Variants in PLA2G4C observed in about 807,000 individuals in gnomAD.
PLA2G4C encodes cytosolic phospholipase A2 gamma.
Under a neutral mutation model 73.8 loss-of-function variants are expected in PLA2G4C, and 64 were observed. The ratio of observed to expected loss-of-function variants is 0.87; its 90% CI spans 0.71 to 1.07. The LOEUF is 1.07. Among genes scored for constraint, PLA2G4C ranks in the 50% least tolerant of loss-of-function variants. The probability of loss-of-function intolerance (pLI) is 0.00; values close to 1 mark genes in which losing one functional copy is unlikely to be tolerated. For missense variants in PLA2G4C, 622 were observed against 665.4 expected (o/e 0.93, Z 0.72); for synonymous variants, 254 against 252.1 (o/e 1.01, Z -0.07).
intron 15 of PLA2G4C, among the ~76,000 whole-genome samples, chr19:48,054,328 G>A (rs1200005613): frequency 2.0e-5 from 3 of 152,022 alleles, no homozygotes; most frequent in Non-Finnish European, 4.4e-5. Flanking sequence ...TATTTGAGAA[G>A]GAGTCTTGCT....
chr19:48,103,903 GAAA>G (rs796900688), intron 4 of PLA2G4C: 2 of 151,166 alleles, frequency 1.3e-5, no homozygotes, highest in Admixed American at 1.3e-4. Flanking sequence ...TTCTTTTTTA[GAAA>G]AAAAAAATTT....
At chr19:48,061,711 T>G in intron 14 of PLA2G4C, 1 of 393,962 alleles carries the variant, frequency 2.5e-6, no homozygotes. Flanking sequence ...GCTGTTGCAG[T>G]TCAAACTGGT....
intron 5 of PLA2G4C, among the ~76,000 whole-genome samples, chr19:48,098,819 T>C (rs2122672217): frequency 6.7e-6 from 1 of 148,226 alleles, no homozygotes; most frequent in South Asian, 2.1e-4. Flanking sequence ...AGAGGATTGC[T>C]TGAGCCCAGG....
At chr19:48,071,400 C>G (rs1483659272) in intron 12 of PLA2G4C, among the ~76,000 whole-genome samples, 1 of 152,146 alleles carries the variant, frequency 6.6e-6, no homozygotes, top group Admixed American at 6.6e-5. Flanking sequence ...AAGCGATTCT[C>G]CTGCCTCAGC....
At chr19:48,050,326 T>TG (rs1348933070) in intron 16 of PLA2G4C, among the ~76,000 whole-genome samples, 1 of 152,160 alleles carries the variant, frequency 6.6e-6, no homozygotes, top group African/African-American at 2.4e-5. Flanking sequence ...GCAGGGCTTT[T>TG]GGGGAAACTC....
At chr19:48,104,770 T>A in intron 3 of PLA2G4C, 46 bp from the exon 4 acceptor site, 1 of 1,600,396 alleles carries the variant, frequency 6.2e-7, no homozygotes, top group Non-Finnish European at 8.5e-7. Context: ...AGCCTGAGGA[T>A]GGAGGTGGGA....
chr19:48,054,231 T>C (rs1336560162), intron 15 of PLA2G4C, among the ~76,000 whole-genome samples: 1 of 152,132 alleles, frequency 6.6e-6, no homozygotes, highest in East Asian at 1.9e-4. Context: ...TGGGAGGTAA[T>C]TGAAGCATGG....
chr19:48,105,230 A>G, intron 3 of PLA2G4C, 103 bp downstream of exon 3: 1 of 730,356 alleles, frequency 1.4e-6, no homozygotes, highest in Non-Finnish European at 2.4e-6. Context: ...ATAGAAGTTC[A>G]TATCCTTCGG....
At position 48,055,101 on chromosome 19, in the gene PLA2G4C, CCAGAAGACCCCT is replaced by C; in HGVS notation, c.1258-64_1258-53del. On this transcript the variant is annotated intron_variant, in intron 14 of 16. Coordinates refer to ENST00000599921, the MANE Select transcript of PLA2G4C (RefSeq NM_003706.3). ...TGCAAGACCTCTCCAGAAGACCCCT[CCAGAAGACCCCT>C]GGGGCCTGGAGACCCAATGGGACCT... The C allele has an allele frequency of 2.1e-6, 3 of 1,437,510 alleles. No homozygotes were observed. The Admixed American group carries it at 7.2e-5, about 34-fold the overall frequency. 89.0% of individuals were successfully genotyped at this position (1,437,510 alleles called of 1,614,324 possible).
intron 5 of PLA2G4C, among the ~76,000 whole-genome samples, chr19:48,098,762 C>T (rs2031745981): frequency 8.6e-6 from 1 of 115,880 alleles, no homozygotes; most frequent in Admixed American, 9.0e-5. Flanking sequence ...ATTTGTCAGG[C>T]CCAGTGGTGC....
chr19:48,100,566 C>T (rs1052191556), intron 4 of PLA2G4C, among the ~76,000 whole-genome samples: 1 of 138,060 alleles, frequency 7.2e-6, no homozygotes, highest in Non-Finnish European at 1.5e-5. Flanking sequence ...GATTGTGCCA[C>T]TGCACTCCAG....
At chr19:48,061,797 C>T (rs1968184921) in intron 14 of PLA2G4C, 1 of 593,912 alleles carries the variant, frequency 1.7e-6, no homozygotes, top group Non-Finnish European at 3.0e-6. Context: ...TCTGGGATGG[C>T]TTTGGATCAG....
At position 48,110,547 on chromosome 19, in the gene PLA2G4C, G is replaced by GCGGAGGCTTGGGCTCCGGAATCCGGTA; in HGVS notation, c.-94_-93insTACCGGATTCCGGAGCCCAAGCCTCCG. 1 of 1,525,924 alleles carries GCGGAGGCTTGGGCTCCGGAATCCGGTA rather than the reference G, an allele frequency of 6.6e-7. No individual in the cohort carries two copies. The highest frequency in any genetic ancestry group is 8.8e-7 in the Non-Finnish European group (1 of 1,140,302). The allele number at this position is 1,525,924 out of a possible 1,614,324, so 94.5% of individuals were successfully genotyped here. On this transcript the variant is annotated 5_prime_UTR_variant, in exon 1 of 17. Transcript: ENST00000599921. ...TGGAGCTTGTGCTCCGGAATCCGGT[G>GCGGAGGCTTGGGCTCCGGAATCCGGTA]CGGAGGCTTGGGCTCCCTGCGCTTA... is the stretch of plus-strand genomic sequence containing the variant.
At chr19:48,085,161 GTCA>G in intron 9 of PLA2G4C, 49 bp from the exon 10 acceptor site, 1 of 1,347,950 alleles carries the variant, frequency 7.4e-7, no homozygotes, top group Non-Finnish European at 1.1e-6. Context: ...TCACATGACT[GTCA>G]TGTTTGATAT....
chr19:48,088,742 T>C, intron 8 of PLA2G4C, 30 bp from the exon 9 acceptor site: 1 of 1,550,464 alleles, frequency 6.4e-7, no homozygotes, highest in Non-Finnish European at 8.9e-7. Flanking sequence ...GGAGGAATGT[T>C]TATCTGTACA....
intron 13 of PLA2G4C, 162 bp from the exon 14 acceptor site, chr19:48,062,314 A>G (rs1968217248): frequency 1.7e-6 from 1 of 585,766 alleles, no homozygotes; most frequent in South Asian, 2.3e-5. Flanking sequence ...TCCCAGATTC[A>G]TATGTTGAAG....
At chr19:48,078,473 G>C (rs2030316438) in intron 10 of PLA2G4C, among the ~76,000 whole-genome samples, 1 of 152,096 alleles carries the variant, frequency 6.6e-6, no homozygotes, top group Admixed American at 6.6e-5. Context: ...AAACCCTAAA[G>C]ACTCATCCAA....
At chr19:48,061,538 G>T (rs1192590323) in intron 14 of PLA2G4C, 1 of 156,592 alleles carries the variant, frequency 6.4e-6, no homozygotes, top group Non-Finnish European at 1.4e-5. Flanking sequence ...CCACTGGGAA[G>T]GTGCAATATG....
At chr19:48,049,847 G>C (rs1225914673) in intron 16 of PLA2G4C, among the ~76,000 whole-genome samples, 1 of 152,148 alleles carries the variant, frequency 6.6e-6, no homozygotes, top group African/African-American at 2.4e-5. Flanking sequence ...AACCACCCCT[G>C]TTCACACCTT....
Sources: gnomAD v4.1 joint callset for allele counts (sites outside exome capture counted in the v4.1 genomes callset) on GRCh38, gnomAD v4.1.1 for gene constraint, MANE v1.5 for transcripts, NCBI Gene and HGNC (gene_info 2026-07-23, HGNC 2026-07-21) for gene names.